The following UNC13A variants were observed in gnomAD, a reference collection of about 807,000 sequenced individuals.
UNC13A encodes the protein unc-13 homolog A.
UNC13A carries 61 observed loss-of-function variants against 219.7 expected under a neutral mutation model. The observed-to-expected ratio is 0.28, with a 90% CI of 0.23 to 0.34. UNC13A has a LOEUF of 0.34. UNC13A is among the 10% of genes least tolerant of loss of function. UNC13A has a pLI of 1.00. For missense variants in UNC13A, 1,476 were observed against 2,270.3 expected (o/e 0.65, Z 7.11); for synonymous variants, 920 against 884.6 (o/e 1.04, Z -0.71).
Position 17,633,147 on chromosome 19 carries a change from A to C in UNC13A, c.3262T>G (p.Trp1088Gly). ...TTCATGTCTTGGGCAAACAGATTCC[A>C]CATCACTTCAGCGCTGATTTTACCC... is the stretch of plus-strand genomic sequence containing the variant. ...NVGKISAEVM[W>G]NLFAQDMKYA... Residue 1088 changes from tryptophan (W) to glycine (G), a missense_variant, in exon 27 of 44, where the codon TGG becomes GGG. Transcript: ENST00000519716. 6.2e-7 allele frequency: 1 copy of C among 1,614,122 alleles called. No homozygotes were observed. The highest frequency in any genetic ancestry group is 8.5e-7 in the Non-Finnish European group (1 of 1,180,002).
chr19:17,674,593 G>C lies in UNC13A; in HGVS notation c.152+64C>G. The C allele has an allele frequency of 6.8e-7, 1 of 1,479,146 alleles. No homozygotes were observed. Among genetic ancestry groups the C allele is most frequent in the Non-Finnish European group, 9.4e-7 (1 of 1,063,242 alleles). 91.6% of individuals were successfully genotyped at this position (1,479,146 alleles called of 1,614,324 possible). ...ATTCCCCAGTGTCCAGCTCTGCCCT[G>C]AGGGGCCAGCGAGGTGCTGGGCTAT... is the stretch of plus-strand genomic sequence containing the variant. On this transcript the variant is annotated intron_variant, in intron 3 of 43. Coordinates refer to ENST00000519716, the MANE Select transcript of UNC13A (RefSeq NM_001080421.3). The surrounding 1 kb of genome is among the most constrained non-coding windows in gnomAD (Gnocchi z 5.0).
intron 43 of UNC13A, among the ~76,000 whole-genome samples, chr19:17,606,583 C>T (rs1005551205): frequency 2.0e-5 from 3 of 152,086 alleles, no homozygotes; most frequent in South Asian, 2.1e-4. Flanking sequence ...GCCTGTTCTT[C>T]CCATTTTTCC....
At chr19:17,619,282 G>A (rs2076701879) in intron 38 of UNC13A, among the ~76,000 whole-genome samples, 1 of 152,128 alleles carries the variant, frequency 6.6e-6, no homozygotes, top group African/African-American at 2.4e-5. Context: ...GTGTGGGCAG[G>A]GTTTCCAGGG....
chr19:17,648,564 G>A lies in UNC13A; in HGVS notation c.1683C>T (p.Ala561=). The change falls in exon 16 of 44, where the codon GCC becomes GCT. Residue 561 remains alanine, a synonymous_variant. Coordinates refer to ENST00000519716, the MANE Select transcript of UNC13A (RefSeq NM_001080421.3). ...TTPHNFEVWT[A]TTPTYCYECE... The stretch of plus-strand genomic sequence containing the variant: ...ACTCGTAGCAGTAGGTGGGCGTGGT[G>A]GCCGTCCACACTTCGAAGTTGTGTG... 2 of 1,614,116 alleles carry A rather than the reference G, an allele frequency of 1.2e-6. No individual in the cohort carries two copies. The highest frequency in any genetic ancestry group is 8.5e-7 in the Non-Finnish European group (1 of 1,180,006).
intron 34 of UNC13A, 145 bp from the exon 35 acceptor site, chr19:17,625,097 TATG>T: frequency 1.6e-6 from 2 of 1,275,658 alleles, no homozygotes; most frequent in Non-Finnish European, 2.1e-6. Flanking sequence ...TTGATGGGGC[TATG>T]ATATCTGATG....
Position 17,627,957 on chromosome 19 carries a change from A to C in UNC13A, c.3754-17T>G. 3 of 1,579,586 alleles carry C rather than the reference A, an allele frequency of 1.9e-6. No individual in the cohort carries two copies. Among genetic ancestry groups the C allele is most frequent in the Non-Finnish European group, 2.6e-6 (3 of 1,160,146 alleles). ...AATGCAGGGCTGTGGGTGGGAACAG[A>C]GAGGGGAGTCAAGCCTCAGGACCTC... On this transcript the variant is annotated splice_polypyrimidine_tract_variant and intron_variant, in intron 31 of 43. Transcript: ENST00000519716. The surrounding 1 kb of genome is among the most constrained non-coding windows in gnomAD (Gnocchi z 4.7).
chr19:17,608,605 C>CTA (rs2076566019), intron 43 of UNC13A, among the ~76,000 whole-genome samples: 2 of 149,864 alleles, frequency 1.3e-5, no homozygotes, highest in Non-Finnish European at 3.0e-5. Flanking sequence ...GCAAGCTCTG[C>CTA]CTCCCGGGTT....
At chr19:17,669,488 G>C (rs1361339372) in intron 5 of UNC13A, 65 bp downstream of exon 5, 1 of 1,581,168 alleles carries the variant, frequency 6.3e-7, no homozygotes, top group African/African-American at 1.3e-5. Flanking sequence ...CACTCTCCTG[G>C]AATAGCTGAG....
chr19:17,670,526 C>G (rs949365122), intron 4 of UNC13A, among the ~76,000 whole-genome samples: 2 of 152,112 alleles, frequency 1.3e-5, no homozygotes, highest in Non-Finnish European at 2.9e-5. Flanking sequence ...TGTGAGCCAC[C>G]ATGCCCAGCC....
intron 37 of UNC13A, among the ~76,000 whole-genome samples, chr19:17,621,194 A>G (rs980188687): frequency 1.3e-5 from 2 of 152,114 alleles, no homozygotes; most frequent in African/African-American, 4.8e-5. Flanking sequence ...CACGTACACA[A>G]TTATATCACA....
At position 17,636,008 on chromosome 19, in the gene UNC13A, C is replaced by A; in HGVS notation, c.3215+16G>T. 1 of 1,604,086 alleles carries A rather than the reference C, an allele frequency of 6.2e-7. No homozygotes were observed. The highest frequency in any genetic ancestry group is 1.1e-5 in the South Asian group (1 of 90,206). On this transcript the variant is annotated intron_variant, in intron 26 of 43. Coordinates refer to ENST00000519716, the MANE Select transcript of UNC13A (RefSeq NM_001080421.3). ...GATGACACCCAGATAATTAACTACA[C>A]AGATACACAACTCACTGGTTGAGGC...
intron 19 of UNC13A, among the ~76,000 whole-genome samples, chr19:17,644,174 C>T (rs1222398833): frequency 1.3e-5 from 2 of 152,038 alleles, no homozygotes; most frequent in Admixed American, 1.3e-4. Context: ...CCTCTTTAGA[C>T]TGGATTCTTT....
At chr19:17,673,738 T>C (rs1230421698) in intron 3 of UNC13A, among the ~76,000 whole-genome samples, 1 of 147,330 alleles carries the variant, frequency 6.8e-6, no homozygotes, top group African/African-American at 2.5e-5. Flanking sequence ...TGGCCAGGCA[T>C]GGTGGCTCAC....
At chr19:17,657,553 G>A (rs1242071138) in intron 9 of UNC13A, among the ~76,000 whole-genome samples, 1 of 152,084 alleles carries the variant, frequency 6.6e-6, no homozygotes, top group Non-Finnish European at 1.5e-5. Flanking sequence ...CATTCACTTA[G>A]TCATTCAACG....
At chr19:17,613,557 C>A (rs948970271) in intron 41 of UNC13A, among the ~76,000 whole-genome samples, 32 of 152,080 alleles carry the variant, frequency 2.1e-4, no homozygotes, top group Admixed American at 9.8e-4. Context: ...CCCATTCTTG[C>A]CCTTGTTAAC....
At chr19:17,610,498 C>T (rs1002193378) in intron 42 of UNC13A, among the ~76,000 whole-genome samples, 1 of 152,042 alleles carries the variant, frequency 6.6e-6, no homozygotes, top group African/African-American at 2.4e-5. Flanking sequence ...CCCCACCCCT[C>T]GCCCGCCGCC....
chr19:17,609,038 C>G (rs566842386), intron 43 of UNC13A, among the ~76,000 whole-genome samples: 1 of 147,820 alleles, frequency 6.8e-6, no homozygotes, highest in Non-Finnish European at 1.5e-5. Context: ...GCTCACTGCA[C>G]CCTCCGCCTC....
chr19:17,628,025 G>GT lies in UNC13A; in HGVS notation c.3754-86dup, dbSNP rs2076802101. On this transcript the variant is annotated intron_variant, in intron 31 of 43. Coordinates refer to ENST00000519716, the MANE Select transcript of UNC13A (RefSeq NM_001080421.3). ...ACCCACCGCCAGGGACCTTGGGATG[G>GT]TTTCAGGGTCTGGGTCTGGAGGAAG... The GT allele has an allele frequency of 9.5e-6, 13 of 1,364,684 alleles. No homozygotes were observed. The South Asian group carries it at 1.6e-4, about 16-fold the overall frequency. The allele number at this position is 1,364,684 out of a possible 1,614,324, so 84.5% of individuals were successfully genotyped here. A position where few individuals can be genotyped will look rare whatever the true frequency, so the allele number is the denominator to read the frequency against.
At chr19:17,610,948 G>T (rs1020983076) in intron 42 of UNC13A, among the ~76,000 whole-genome samples, 1 of 152,090 alleles carries the variant, frequency 6.6e-6, no homozygotes, top group South Asian at 2.1e-4. Flanking sequence ...CAGGAGGATC[G>T]CTAGAGCCCA....
Sources: gnomAD v4.1 joint callset for allele counts (sites outside exome capture counted in the v4.1 genomes callset) on GRCh38, gnomAD v4.1.1 for gene constraint, Gnocchi (gnomAD v3.1) non-coding constraint, MANE v1.5 for transcripts, NCBI Gene and HGNC (gene_info 2026-07-23, HGNC 2026-07-21) for gene names.